The following QTMAN variants were observed in gnomAD, a reference collection of about 807,000 sequenced individuals.
The protein encoded by QTMAN is queuosine-tRNA mannosyltransferase.
chr2:144,287,261 C>A, the QTMAN span, among the ~76,000 whole-genome samples: 1 of 151,980 alleles, frequency 6.6e-6, no homozygotes, highest in Admixed American at 6.5e-5. Context: ...AAAGTGAAAC[C>A]CCGTCTCTAC....
the QTMAN span, among the ~76,000 whole-genome samples, chr2:144,301,994 T>C: frequency 6.6e-6 from 1 of 152,204 alleles, no homozygotes; most frequent in East Asian, 1.9e-4. Context: ...GAAAATAGAC[T>C]GCTCAGTCAG....
chr2:144,190,465 T>C, the QTMAN span, among the ~76,000 whole-genome samples: 1 of 152,206 alleles, frequency 6.6e-6, no homozygotes, highest in African/African-American at 2.4e-5. Flanking sequence ...TAACTGGCTG[T>C]CACTGAAATC....
At chr2:144,187,763 G>A in the QTMAN span, among the ~76,000 whole-genome samples, 1 of 152,074 alleles carries the variant, frequency 6.6e-6, no homozygotes, top group African/African-American at 2.4e-5. Flanking sequence ...TGATGTAGTG[G>A]GTTGAAATGT....
the QTMAN span, among the ~76,000 whole-genome samples, chr2:144,277,555 C>A: frequency 6.6e-6 from 1 of 152,094 alleles, no homozygotes; most frequent in African/African-American, 2.4e-5. Context: ...AGTTACAAGA[C>A]ATTCTTAAAA....
chr2:143,946,483 A>G, the QTMAN span: 2 of 152,738 alleles, frequency 1.3e-5, no homozygotes, highest in Non-Finnish European at 2.9e-5. Context: ...GCCCACAAAC[A>G]ATTCTGCGAT....
the QTMAN span, among the ~76,000 whole-genome samples, chr2:144,303,629 A>G: frequency 9.8e-5 from 15 of 152,334 alleles, no homozygotes; most frequent in Admixed American, 7.2e-4. Context: ...ATACATGCAA[A>G]AACTTTTATT....
chr2:143,972,508 G>T, the QTMAN span, among the ~76,000 whole-genome samples: 3 of 151,850 alleles, frequency 2.0e-5, no homozygotes, highest in African/African-American at 7.3e-5. Context: ...TTGGGAGGAG[G>T]TTTAATCGGG....
the QTMAN span, among the ~76,000 whole-genome samples, chr2:144,034,817 T>G: frequency 6.6e-6 from 1 of 152,308 alleles, no homozygotes; most frequent in Admixed American, 6.5e-5. Context: ...TTATCTTGTT[T>G]TAAGGAGTGG....
the QTMAN span, among the ~76,000 whole-genome samples, chr2:144,251,409 A>T: frequency 6.6e-6 from 1 of 152,220 alleles, no homozygotes; most frequent in African/African-American, 2.4e-5. Flanking sequence ...AAAGGAGCAA[A>T]GGCAATTCAA....
the QTMAN span, among the ~76,000 whole-genome samples, chr2:144,082,762 T>C: frequency 3.9e-5 from 6 of 152,308 alleles, no homozygotes; most frequent in Admixed American, 3.9e-4. Context: ...CCCAGGTTTC[T>C]TGCTCTCAGT....
the QTMAN span, among the ~76,000 whole-genome samples, chr2:144,120,735 T>G: frequency 1.3e-5 from 2 of 152,298 alleles, no homozygotes; most frequent in South Asian, 4.1e-4. Context: ...AGGGAGATGC[T>G]TGGAGGAGAG....
chr2:144,284,851 G>A, the QTMAN span, among the ~76,000 whole-genome samples: 40 of 151,980 alleles, frequency 2.6e-4, no homozygotes, highest in Admixed American at 1.1e-3. Flanking sequence ...TGGGCAACAC[G>A]GCAAGACCTC....
the QTMAN span, among the ~76,000 whole-genome samples, chr2:144,107,507 G>T: frequency 6.6e-6 from 1 of 152,282 alleles, no homozygotes; most frequent in Middle Eastern, 3.4e-3. Context: ...AAATCTAGAA[G>T]AAATGGATAA....
At chr2:144,117,638 T>A in the QTMAN span, among the ~76,000 whole-genome samples, 1 of 152,196 alleles carries the variant, frequency 6.6e-6, no homozygotes, top group South Asian at 2.1e-4. Flanking sequence ...TTATGATAAA[T>A]AACTGACTTT....
the QTMAN span, among the ~76,000 whole-genome samples, chr2:144,268,613 C>G: frequency 2.0e-5 from 3 of 152,220 alleles, no homozygotes; most frequent in Non-Finnish European, 4.4e-5. Flanking sequence ...AAATAAATAT[C>G]TGTTGTTTAA....
At chr2:144,316,236 CA>C in the QTMAN span, among the ~76,000 whole-genome samples, 109 of 134,798 alleles carry the variant, frequency 8.1e-4, no homozygotes, top group South Asian at 1.0e-3. Flanking sequence ...AACCCTATCT[CA>C]AAAAAAAAAA....
chr2:144,162,372 A>G, the QTMAN span, among the ~76,000 whole-genome samples: 1 of 152,340 alleles, frequency 6.6e-6, no homozygotes, highest in African/African-American at 2.4e-5. Context: ...GTTAAATTCA[A>G]TGAATAAAGC....
the QTMAN span, among the ~76,000 whole-genome samples, chr2:143,996,509 GA>G: frequency 6.6e-6 from 1 of 152,078 alleles, no homozygotes; most frequent in African/African-American, 2.4e-5. Context: ...TGAAACTGGG[GA>G]AACAATTTCT....
the QTMAN span, among the ~76,000 whole-genome samples, chr2:144,248,215 T>C: frequency 4.6e-5 from 7 of 152,192 alleles, no homozygotes; most frequent in African/African-American, 1.4e-4. Context: ...AAAAAGACTA[T>C]GTAGTCATTT....
Sources: gnomAD v4.1 joint callset for allele counts (sites outside exome capture counted in the v4.1 genomes callset) on GRCh38, gnomAD v4.1.1 for gene constraint, MANE v1.5 for transcripts, NCBI Gene and HGNC (gene_info 2026-07-23, HGNC 2026-07-21) for gene names.